RUFY3: variants seen among roughly 807,000 people sequenced by gnomAD.
The protein encoded by RUFY3 is RUN and FYVE domain containing 3, also known as protein RUFY3.
In RUFY3, 34 loss-of-function variants were observed where a neutral mutation model predicts 84.0. The ratio of observed to expected loss-of-function variants is 0.40; its 90% CI spans 0.31 to 0.54. RUFY3 has a LOEUF of 0.54. Ranked by LOEUF, RUFY3 falls within the 20% of genes least tolerant of loss-of-function variation. The pLI, the probability that RUFY3 is intolerant of heterozygous loss-of-function variation, is 0.39. For missense variants in RUFY3, 507 were observed against 736.8 expected (o/e 0.69, Z 3.61); for synonymous variants, 242 against 252.9 (o/e 0.96, Z 0.41).
At chr4:70,736,827 C>G (rs1720392425) in intron 1 of RUFY3, among the ~76,000 whole-genome samples, 1 of 152,182 alleles carries the variant, frequency 6.6e-6, no homozygotes, top group Admixed American at 6.6e-5. Context: ...CCACCCTGGC[C>G]TCCCAAAGTG....
chr4:70,765,527 T>G (rs1725739240), intron 4 of RUFY3, among the ~76,000 whole-genome samples: 1 of 152,138 alleles, frequency 6.6e-6, no homozygotes. Context: ...TAGCTGAGAT[T>G]TGGAAATGTG....
intron 9 of RUFY3, 104 bp from the exon 10 acceptor site, chr4:70,784,692 C>A: frequency 3.2e-6 from 2 of 618,590 alleles, no homozygotes; most frequent in Non-Finnish European, 5.1e-6. Context: ...CATTATTATA[C>A]CTGCTTCAGT....
At chr4:70,705,768 A>G (rs745361906) in intron 1 of RUFY3, among the ~76,000 whole-genome samples, 2 of 152,096 alleles carry the variant, frequency 1.3e-5, no homozygotes, top group East Asian at 1.9e-4. Context: ...GCGCCGCGGC[A>G]GCTGAGTAGG....
At chr4:70,706,818 A>C (rs560651487) in intron 1 of RUFY3, among the ~76,000 whole-genome samples, 1 of 152,340 alleles carries the variant, frequency 6.6e-6, no homozygotes, top group East Asian at 1.9e-4. Context: ...TATACAGAGG[A>C]GGCAAAGATA....
chr4:70,789,921 G>A (rs1730538439), intron 12 of RUFY3: 3 of 1,023,240 alleles, frequency 2.9e-6, no homozygotes, highest in Non-Finnish European at 3.5e-6. Flanking sequence ...ACTCTTAAAT[G>A]TATGTATGTA....
chr4:70,714,642 A>G (rs529486506), intron 1 of RUFY3, among the ~76,000 whole-genome samples: 70 of 152,330 alleles, frequency 4.6e-4, no homozygotes, highest in African/African-American at 1.7e-3. Context: ...GCAAGGCTAT[A>G]TACATATCTA....
At chr4:70,705,499 C>G (rs1333148864) in intron 1 of RUFY3, among the ~76,000 whole-genome samples, 4 of 151,080 alleles carry the variant, frequency 2.6e-5, no homozygotes, top group South Asian at 2.1e-4. Flanking sequence ...GGTTCGGGCG[C>G]CGGATTCTAC....
intron 5 of RUFY3, among the ~76,000 whole-genome samples, chr4:70,772,339 C>T (rs940336780): frequency 3.9e-5 from 6 of 151,948 alleles, no homozygotes; most frequent in Non-Finnish European, 8.8e-5. Flanking sequence ...AGAATGAGAG[C>T]GAACTGTACT....
intron 1 of RUFY3, chr4:70,741,570 T>G: frequency 6.9e-7 from 1 of 1,442,492 alleles, no homozygotes; most frequent in Non-Finnish European, 9.3e-7. Context: ...GCACTTTTCT[T>G]TCTGGGCTTG....
At chr4:70,778,644 A>C (rs566661472) in intron 8 of RUFY3, among the ~76,000 whole-genome samples, 2 of 135,596 alleles carry the variant, frequency 1.5e-5, no homozygotes, top group African/African-American at 5.7e-5. Flanking sequence ...CAGTGGCGCG[A>C]TCTTGGCTCA....
chr4:70,758,996 C>T (rs1272331131), intron 1 of RUFY3, among the ~76,000 whole-genome samples: 1 of 152,036 alleles, frequency 6.6e-6, no homozygotes, highest in Non-Finnish European at 1.5e-5. Context: ...CGAGATCGTG[C>T]CACTGCACTC....
rs762709292 is a variant in RUFY3 at position 70,789,518 on chromosome 4, G to T, written c.1263G>T (p.Gln421His). 1.2e-6 allele frequency: 2 copies of T among 1,612,672 alleles called. No homozygotes were observed. Among genetic ancestry groups the T allele is most frequent in the Non-Finnish European group, 1.7e-6 (2 of 1,179,232 alleles). The change falls in exon 12 of 18, where the codon CAG becomes CAT. Residue 421 changes from glutamine to histidine, a missense_variant. Transcript: ENST00000381006. The stretch of plus-strand genomic sequence containing the variant: ...AGAGTTCAGACTTAGGAGTAAAACA[G>T]AAAAGTGAACTAAACAGTCGCTTGG... ...KLQSSDLGVKQKSELNSRLEE... is the reference protein window; with the variant it reads ...KLQSSDLGVKHKSELNSRLEE...
intron 14 of RUFY3, among the ~76,000 whole-genome samples, chr4:70,798,553 G>A (rs955965034): frequency 2.0e-5 from 3 of 150,750 alleles, no homozygotes; most frequent in East Asian, 2.0e-4. Flanking sequence ...AGGCCAAGGC[G>A]GGTGGATTGC....
intron 1 of RUFY3, among the ~76,000 whole-genome samples, chr4:70,710,075 C>G (rs1430837206): frequency 6.6e-6 from 1 of 152,154 alleles, no homozygotes; most frequent in Non-Finnish European, 1.5e-5. Context: ...AATGAGGTAC[C>G]TAGAAGCCTT....
At chr4:70,768,782 C>T (rs763970049) in intron 5 of RUFY3, 121 bp downstream of exon 5, 7 of 925,654 alleles carry the variant, frequency 7.6e-6, no homozygotes, top group Non-Finnish European at 1.1e-5. Flanking sequence ...ACAGGATTTC[C>T]TTCCATTTTG....
At chr4:70,766,520 C>T (rs1405191850) in intron 4 of RUFY3, among the ~76,000 whole-genome samples, 1 of 152,206 alleles carries the variant, frequency 6.6e-6, no homozygotes, top group Non-Finnish European at 1.5e-5. Flanking sequence ...GTGGGGTTTA[C>T]AGGCGTGAGC....
At chr4:70,759,725 T>C (rs951432402) in intron 1 of RUFY3, among the ~76,000 whole-genome samples, 4 of 152,214 alleles carry the variant, frequency 2.6e-5, no homozygotes. Context: ...TCTGAGTGAA[T>C]TGTTACTTTT....
In RUFY3 at chr4:70,785,231, A is replaced by G. The variant is rs556392003; in HGVS notation, c.1071+352A>G. Among the ~76,000 whole-genome samples, 6 of 152,266 alleles carry G rather than the reference A, an allele frequency of 3.9e-5. No individual in the cohort carries two copies. In the East Asian group the frequency reaches 9.6e-4, roughly 24 times the overall value. ...AGGTGGTGGCTCCTCTTTTCTTTAC[A>G]AAGAATCATTAATGTAGGATTACTC... On this transcript the variant is annotated intron_variant, in intron 10 of 17. Coordinates refer to ENST00000381006, the MANE Select transcript of RUFY3 (RefSeq NM_001037442.4).
At chr4:70,726,467 A>G (rs1468949192) in intron 1 of RUFY3, among the ~76,000 whole-genome samples, 1 of 152,094 alleles carries the variant, frequency 6.6e-6, no homozygotes. Flanking sequence ...GGTTCAAGCA[A>G]TTCTCCTTAA....
Sources: gnomAD v4.1 joint callset for allele counts (sites outside exome capture counted in the v4.1 genomes callset) on GRCh38, gnomAD v4.1.1 for gene constraint, MANE v1.5 for transcripts, NCBI Gene and HGNC (gene_info 2026-07-23, HGNC 2026-07-21) for gene names.